The following BTBD9 variants were observed in gnomAD, a reference collection of about 807,000 sequenced individuals.
The protein encoded by BTBD9 is BTB domain containing 9, also known as BTB/POZ domain-containing protein 9.
In BTBD9, 49 loss-of-function variants were observed where a neutral mutation model predicts 64.3. The observed-to-expected ratio is 0.76, with a 90% CI of 0.61 to 0.97. BTBD9 has a LOEUF of 0.97. Among genes scored for constraint, BTBD9 ranks in the 50% least tolerant of loss-of-function variants. The pLI, the probability that BTBD9 is intolerant of heterozygous loss-of-function variation, is 0.00. For missense variants in BTBD9, 598 were observed against 762.1 expected (o/e 0.78, Z 2.53); for synonymous variants, 260 against 274.7 (o/e 0.95, Z 0.53).
intron 8 of BTBD9, among the ~76,000 whole-genome samples, chr6:38,267,241 C>T (rs1765042124): frequency 6.6e-6 from 1 of 152,218 alleles, no homozygotes; most frequent in Non-Finnish European, 1.5e-5. Context: ...CTGTTAATAG[C>T]TGAAGGCAAT....
At chr6:38,363,743 A>T (rs2127599711) in intron 6 of BTBD9, among the ~76,000 whole-genome samples, 1 of 152,334 alleles carries the variant, frequency 6.6e-6, no homozygotes, top group Non-Finnish European at 1.5e-5. Context: ...ATGGTTTGAG[A>T]GGCATATTAC....
At chr6:38,401,372 A>C (rs916718040) in intron 6 of BTBD9, among the ~76,000 whole-genome samples, 16 of 152,214 alleles carry the variant, frequency 1.1e-4, no homozygotes, top group Admixed American at 5.9e-4. Flanking sequence ...AGTCAATGTT[A>C]AACCTCTTTC....
intron 6 of BTBD9, among the ~76,000 whole-genome samples, chr6:38,490,469 C>T (rs938062056): frequency 6.6e-6 from 1 of 151,980 alleles, no homozygotes; most frequent in African/African-American, 2.4e-5. Context: ...TACAGGTGTG[C>T]ACCACCAGGC....
chr6:38,388,276 C>T (rs554952543), intron 6 of BTBD9, among the ~76,000 whole-genome samples: 7 of 150,602 alleles, frequency 4.6e-5, no homozygotes, highest in Non-Finnish European at 8.9e-5. Flanking sequence ...CACAGTTTAA[C>T]TGGCTGGAGC....
At chr6:38,221,923 G>A (rs959687475) in intron 9 of BTBD9, among the ~76,000 whole-genome samples, 6 of 152,062 alleles carry the variant, frequency 3.9e-5, no homozygotes, top group South Asian at 2.1e-4. Flanking sequence ...CCTGGGAGGC[G>A]GAGGTTGCAG....
chr6:38,545,871 C>T (rs886675167), intron 6 of BTBD9, among the ~76,000 whole-genome samples: 7 of 147,932 alleles, frequency 4.7e-5, no homozygotes, highest in African/African-American at 1.5e-4. Context: ...CACACACACA[C>T]ACACACACAC....
chr6:38,292,088 A>G (rs184716062), intron 7 of BTBD9, among the ~76,000 whole-genome samples: 1 of 151,956 alleles, frequency 6.6e-6, no homozygotes, highest in East Asian at 1.9e-4. Flanking sequence ...CAGCCTCCCA[A>G]GTAGCTGGGA....
intron 6 of BTBD9, among the ~76,000 whole-genome samples, chr6:38,489,457 G>C (rs1254885928): frequency 2.6e-5 from 4 of 152,140 alleles, no homozygotes; most frequent in African/African-American, 9.7e-5. Flanking sequence ...ACAAGAGTGA[G>C]AAGACCCTGT....
chr6:38,179,128 G>A (rs955414934), intron 10 of BTBD9, among the ~76,000 whole-genome samples: 8 of 152,140 alleles, frequency 5.3e-5, no homozygotes, highest in Non-Finnish European at 1.0e-4. Context: ...TGGGATTACA[G>A]GCGTGAGCTA....
intron 7 of BTBD9, among the ~76,000 whole-genome samples, chr6:38,342,961 TG>T (rs1351217798): frequency 6.6e-6 from 1 of 152,172 alleles, no homozygotes; most frequent in East Asian, 1.9e-4. Context: ...AGCTCTGAGC[TG>T]TGAGGATGGT....
At chr6:38,600,574 G>A (rs1261942509) in intron 1 of BTBD9, among the ~76,000 whole-genome samples, 1 of 151,636 alleles carries the variant, frequency 6.6e-6, no homozygotes, top group Non-Finnish European at 1.5e-5. Context: ...TTCAATGATC[G>A]TGCATGATTC....
At chr6:38,467,330 G>A (rs935836373) in intron 6 of BTBD9, among the ~76,000 whole-genome samples, 16 of 152,172 alleles carry the variant, frequency 1.1e-4, no homozygotes, top group African/African-American at 3.6e-4. Context: ...TGTCATTTTC[G>A]CCTGAACAAA....
intron 6 of BTBD9, among the ~76,000 whole-genome samples, chr6:38,553,631 C>A (rs1774903302): frequency 6.6e-6 from 1 of 152,146 alleles, no homozygotes; most frequent in Non-Finnish European, 1.5e-5. Flanking sequence ...ATAATCCTTC[C>A]ACCCTTGGGA....
chr6:38,616,848 G>C (rs999228728), intron 1 of BTBD9, among the ~76,000 whole-genome samples: 1 of 151,974 alleles, frequency 6.6e-6, no homozygotes, highest in African/African-American at 2.4e-5. Context: ...TCATTCTTTG[G>C]GTCTGTGCCA....
intron 1 of BTBD9, among the ~76,000 whole-genome samples, chr6:38,628,424 T>C (rs1180578465): frequency 6.6e-6 from 1 of 152,186 alleles, no homozygotes; most frequent in East Asian, 1.9e-4. Flanking sequence ...TTCACAAAGG[T>C]ATGGGCTAAC....
chr6:38,488,723 GTTTC>G (rs1409057081), intron 6 of BTBD9, among the ~76,000 whole-genome samples: 3 of 152,032 alleles, frequency 2.0e-5, no homozygotes, highest in African/African-American at 7.2e-5. Context: ...AAAAATTAAT[GTTTC>G]TTTTTTTATA....
intron 10 of BTBD9, among the ~76,000 whole-genome samples, chr6:38,182,312 C>G (rs1761593269): frequency 6.6e-6 from 1 of 152,194 alleles, no homozygotes; most frequent in Non-Finnish European, 1.5e-5. Flanking sequence ...AATTCCTGCC[C>G]TGTTTTTTAT....
chr6:38,515,993 A>C (rs1255315137), intron 6 of BTBD9, among the ~76,000 whole-genome samples: 1 of 152,216 alleles, frequency 6.6e-6, no homozygotes, highest in African/African-American at 2.4e-5. Flanking sequence ...AGGATGTGTA[A>C]ATTATACATT....
At chr6:38,391,091 A>T (rs549707071) in intron 6 of BTBD9, among the ~76,000 whole-genome samples, 55 of 152,324 alleles carry the variant, frequency 3.6e-4, no homozygotes, top group African/African-American at 1.3e-3. Context: ...TTACTCATTC[A>T]TTCAGTCAGT....
Sources: allele counts gnomAD v4.1 joint callset (sites outside exome capture counted in the v4.1 genomes callset), GRCh38; gene constraint gnomAD v4.1.1; transcripts MANE v1.5; gene names NCBI Gene and HGNC (gene_info 2026-07-23, HGNC 2026-07-21).